The following CAAP1 variants were observed in gnomAD, a reference collection of about 807,000 sequenced individuals.
CAAP1 encodes the protein conserved anti-apoptotic protein.
CAAP1 carries 20 observed loss-of-function variants against 34.0 expected under a neutral mutation model. That is an observed-to-expected ratio of 0.59 (90% CI 0.41 to 0.86). The LOEUF is 0.86. Ranked by LOEUF, CAAP1 falls within the 40% of genes least tolerant of loss-of-function variation. The pLI is 0.00. For missense variants in CAAP1, 538 were observed against 450.5 expected (o/e 1.19, Z -1.76); for synonymous variants, 213 against 166.7 (o/e 1.28, Z -2.14).
rs565506092 is a variant in CAAP1, at chr9:26,880,297, C to T, written c.665+4513G>A. The T allele has an allele frequency of 1.6e-3, 583 of 365,222 alleles. 3 individuals carry two copies. Among genetic ancestry groups the T allele is most frequent in the Non-Finnish European group, 2.5e-3 (467 of 189,472 alleles). The allele number at this position is 365,222 out of a possible 1,614,324, so 22.6% of individuals were successfully genotyped here. On this transcript the variant is annotated intron_variant, in intron 4 of 5. Transcript: ENST00000333916. ...AAAGCACCAATAGCTGCGCTCTGGA[C>T]GCACTGGTCTGATTTGAAGTCCTGA...
In CAAP1 at chr9:26,892,428, C is replaced by G. The variant is rs368962521; in HGVS notation, c.288G>C (p.Ser96=). The G allele has an allele frequency of 6.2e-7, 1 of 1,603,700 alleles. No individual in the cohort carries two copies. The highest frequency in any genetic ancestry group is 1.3e-5 in the African/African-American group (1 of 74,792). Residue 96 remains serine (S), a synonymous_variant, in exon 1 of 6, where the codon TCG becomes TCC. Coordinates refer to ENST00000333916, the MANE Select transcript of CAAP1 (RefSeq NM_024828.4). ...KRRSTDSSSV[S]GSLQQETKYI... is the part of the protein sequence containing the mutation. ...GCGCACGCACCTGCTGCAAGGAGCC[C>G]GAGACGCTGGAAGAGTCGGTACTCC... is the stretch of plus-strand genomic sequence containing the variant.
chr9:26,873,078 C>T (rs1177698334), intron 4 of CAAP1, among the ~76,000 whole-genome samples: 1 of 152,192 alleles, frequency 6.6e-6, no homozygotes, highest in East Asian at 1.9e-4. Context: ...CTGGGCAACA[C>T]ATGGTCTCTA....
At chr9:26,849,474 C>T (rs572199268) in intron 5 of CAAP1, among the ~76,000 whole-genome samples, 5 of 152,338 alleles carry the variant, frequency 3.3e-5, no homozygotes, top group African/African-American at 1.2e-4. Context: ...TGCTCTGTAA[C>T]ATCAGTAACT....
intron 4 of CAAP1, among the ~76,000 whole-genome samples, chr9:26,868,163 A>G (rs1193402591): frequency 1.3e-5 from 2 of 152,188 alleles, no homozygotes; most frequent in Non-Finnish European, 2.9e-5. Context: ...CAGCCCCCCA[A>G]ATATGCCCAC....
intron 5 of CAAP1, among the ~76,000 whole-genome samples, chr9:26,847,465 C>T (rs966612621): frequency 1.3e-4 from 20 of 151,836 alleles, no homozygotes; most frequent in East Asian, 9.7e-4. Flanking sequence ...CCGCCCGTCT[C>T]GGCCTCCCAA....
chr9:26,859,542 T>G (rs1004488187), intron 5 of CAAP1, among the ~76,000 whole-genome samples: 6 of 152,206 alleles, frequency 3.9e-5, no homozygotes, highest in African/African-American at 1.4e-4. Flanking sequence ...CCTGTTCATT[T>G]GATACAAAGA....
At chr9:26,889,293 C>T (rs1443325872) in intron 1 of CAAP1, among the ~76,000 whole-genome samples, 1 of 152,024 alleles carries the variant, frequency 6.6e-6, no homozygotes, top group Non-Finnish European at 1.5e-5. Context: ...AGGCGGGTGC[C>T]TGTAATCCCA....
chr9:26,892,510 C>T lies in CAAP1; in HGVS notation c.206G>A (p.Ser69Asn), dbSNP rs770406639. 6.4e-7 allele frequency: 1 copy of T among 1,567,678 alleles called. No individual in the cohort carries two copies. Among genetic ancestry groups the T allele is most frequent in the South Asian group, 1.2e-5 (1 of 86,862 alleles). Residue 69 changes from serine (S) to asparagine (N), a missense_variant, in exon 1 of 6, where the codon AGC (serine) becomes AAC (asparagine). Transcript: ENST00000333916. ...GCTCCCGCCCCAACAGCTGCCGCCGCTCCCACCGCCGGTGACACTTCCACT... is the reference window on the plus strand; with the variant it reads ...GCTCCCGCCCCAACAGCTGCCGCCGTTCCCACCGCCGGTGACACTTCCACT... ...NFSGSVTGGG[S>N]GGSCWGGSSV...
At chr9:26,890,673 C>A (rs565965156) in intron 1 of CAAP1, among the ~76,000 whole-genome samples, 1 of 151,700 alleles carries the variant, frequency 6.6e-6, no homozygotes, top group South Asian at 2.1e-4. Flanking sequence ...TGGCCGGGCA[C>A]GGTGGCTCAC....
chr9:26,841,505 G>C lies in CAAP1; in HGVS notation c.*796C>G, dbSNP rs1822479094. On this transcript the variant is annotated 3_prime_UTR_variant, in exon 6 of 6. Transcript: ENST00000333916. ...AGAATGATAGCATTTTATTATTTCT[G>C]ATTCATGGAATTATAGCACATCAGA... 6.6e-6 allele frequency: 1 copy of C among 152,504 alleles called. No individual in the cohort carries two copies. Among genetic ancestry groups the C allele is most frequent in the South Asian group, 2.1e-4 (1 of 4,832 alleles). 9.4% of individuals were successfully genotyped at this position (152,504 alleles called of 1,614,324 possible). A position where few individuals can be genotyped will look rare whatever the true frequency, so the allele number is the denominator to read the frequency against.
chr9:26,879,130 T>C (rs1823522680), intron 4 of CAAP1, among the ~76,000 whole-genome samples: 1 of 152,250 alleles, frequency 6.6e-6, no homozygotes, highest in South Asian at 2.1e-4. Context: ...ATGACATTAC[T>C]TGAAAATCAC....
intron 4 of CAAP1, among the ~76,000 whole-genome samples, chr9:26,870,624 T>C (rs1823252263): frequency 6.7e-6 from 1 of 150,242 alleles, no homozygotes; most frequent in Non-Finnish European, 1.5e-5. Context: ...ACATATATTT[T>C]TTTTTCTGAG....
chr9:26,875,801 G>C (rs1192219333), intron 4 of CAAP1, among the ~76,000 whole-genome samples: 1 of 152,024 alleles, frequency 6.6e-6, no homozygotes, highest in Non-Finnish European at 1.5e-5. Context: ...TTTTTTTCAA[G>C]CAACTAAGAA....
intron 5 of CAAP1, among the ~76,000 whole-genome samples, chr9:26,854,035 A>C (rs151331420): frequency 1.3e-5 from 2 of 152,334 alleles, no homozygotes; most frequent in East Asian, 3.9e-4. Flanking sequence ...CAGAGAAACC[A>C]ATGAGTACAA....
At chr9:26,849,450 T>G (rs2131298071) in intron 5 of CAAP1, among the ~76,000 whole-genome samples, 1 of 152,338 alleles carries the variant, frequency 6.6e-6, no homozygotes, top group African/African-American at 2.4e-5. Context: ...TAAAGTTAAC[T>G]TTAGTTCTTT....
chr9:26,865,517 T>C (rs1421194460), intron 4 of CAAP1, among the ~76,000 whole-genome samples: 2 of 140,156 alleles, frequency 1.4e-5, no homozygotes, highest in Non-Finnish European at 3.0e-5. Context: ...AGAGAGAAAC[T>C]ATGTCTCAAA....
rs1454872631 is a variant in CAAP1 at position 26,840,777 on chromosome 9, GTAGT to G, written c.*1520_*1523del. On this transcript the variant is annotated 3_prime_UTR_variant, in exon 6 of 6. Transcript: ENST00000333916. ...ATACAGATGCCATCTACAGTATTTT[GTAGT>G]TAGTAAGCAGCAATAAAGTTTATTC... 6.6e-6 allele frequency: 1 copy of G among 152,124 alleles called. No individual in the cohort carries two copies. The highest frequency in any genetic ancestry group is 2.4e-5 in the African/African-American group (1 of 41,416). 9.4% of individuals were successfully genotyped at this position (152,124 alleles called of 1,614,324 possible).
At chr9:26,860,939 A>T in intron 5 of CAAP1, 127 bp downstream of exon 5, 1 of 686,754 alleles carries the variant, frequency 1.5e-6, no homozygotes, top group Non-Finnish European at 2.6e-6. Context: ...CTGATTTTTG[A>T]CCAAATAAAT....
In CAAP1 at chr9:26,887,337, C is replaced by T. The variant is rs1231179926; in HGVS notation, c.480G>A (p.Gln160=). Residue 160 remains glutamine (Q), a synonymous_variant, in exon 2 of 6, where the codon CAG becomes CAA. Coordinates refer to ENST00000333916, the MANE Select transcript of CAAP1 (RefSeq NM_024828.4). The part of the protein sequence containing the change: ...CFCIIGEKKL[Q]KMLPDVLKNC... ...CCTTTAACACATCAGGAAGCATCTT[C>T]TGTAACTTTTTCTCTCCTATAATAC... The T allele has an allele frequency of 1.2e-6, 2 of 1,603,804 alleles. No individual in the cohort carries two copies. The highest frequency in any genetic ancestry group is 1.7e-6 in the Non-Finnish European group (2 of 1,174,338).
Sources: allele counts gnomAD v4.1 joint callset (sites outside exome capture counted in the v4.1 genomes callset), GRCh38; gene constraint gnomAD v4.1.1; transcripts MANE v1.5; gene names NCBI Gene and HGNC (gene_info 2026-07-23, HGNC 2026-07-21).